The following PTPN13 variants were observed in gnomAD, a reference collection of about 807,000 sequenced individuals.
PTPN13 encodes the protein tyrosine-protein phosphatase non-receptor type 13.
In PTPN13, 191 loss-of-function variants were observed where a neutral mutation model predicts 284.0. The ratio of observed to expected loss-of-function variants is 0.67; its 90% CI spans 0.60 to 0.76. PTPN13 has a LOEUF of 0.76. Ranked by LOEUF, PTPN13 falls within the 30% of genes least tolerant of loss-of-function variation. The pLI is 0.00. For synonymous variants in PTPN13, 986 were observed against 1,022.3 expected (o/e 0.96, Z 0.68); for missense variants, 2,797 against 2,939.9 (o/e 0.95, Z 1.12).
At chr4:86,733,534 C>T (rs1192912591) in intron 12 of PTPN13, among the ~76,000 whole-genome samples, 1 of 152,054 alleles carries the variant, frequency 6.6e-6, no homozygotes, top group African/African-American at 2.4e-5. Context: ...ATATTTCCCT[C>T]AATATAGCTT....
rs1740536297 is a variant in PTPN13 at position 86,775,531 on chromosome 4, A to T, written c.5770A>T (p.Asn1924Tyr). 1.2e-6 allele frequency: 2 copies of T among 1,613,314 alleles called. No homozygotes were observed. Among genetic ancestry groups the T allele is most frequent in the South Asian group, 1.1e-5 (1 of 91,002 alleles). Residue 1924 changes from asparagine to tyrosine, a missense_variant, in exon 35 of 48, where the codon AAT becomes TAT. Physicochemically the swap from Asn to Tyr is moderately radical, Grantham distance 143. Transcript: ENST00000411767. Reference sequence around the variant, plus strand: ...AAGGTCCGTCGCAGCCATTGAGGGTAATCTCCAGCTATTAGATGTCATCCA... The same window carrying T: ...AAGGTCCGTCGCAGCCATTGAGGGTTATCTCCAGCTATTAGATGTCATCCA... ...NPRSVAAIEG[N>Y]LQLLDVIHYV...
chr4:86,715,624 C>T (rs568719429), intron 7 of PTPN13, among the ~76,000 whole-genome samples: 10 of 152,228 alleles, frequency 6.6e-5, no homozygotes, highest in Admixed American at 1.3e-4. Context: ...TGAGGACCAG[C>T]TTATAAAAGG....
intron 35 of PTPN13, among the ~76,000 whole-genome samples, chr4:86,776,387 C>T (rs888021564): frequency 6.6e-6 from 1 of 152,236 alleles, no homozygotes; most frequent in Non-Finnish European, 1.5e-5. Context: ...CAAAAGACTA[C>T]ATCATTTTCA....
At chr4:86,810,969 C>G (rs1745153023) in intron 46 of PTPN13, 77 bp from the exon 47 acceptor site, 2 of 1,387,962 alleles carry the variant, frequency 1.4e-6, no homozygotes, top group Non-Finnish European at 2.0e-6. Context: ...TTTACATAAG[C>G]CTCCCCTCTG....
intron 28 of PTPN13, among the ~76,000 whole-genome samples, chr4:86,768,835 G>A (rs891280725): frequency 6.6e-6 from 1 of 150,582 alleles, no homozygotes; most frequent in Non-Finnish European, 1.5e-5. Context: ...TCAGCTTCCT[G>A]AGTAGCTGAG....
rs184191948 is a variant in PTPN13, at chr4:86,698,382, A to G, written c.635-2859A>G. 6.6e-5 allele frequency among the ~76,000 whole-genome samples: 10 copies of G among 152,326 alleles called. No homozygotes were observed. The East Asian group carries it at 1.9e-3, about 29-fold the overall frequency. ...GTTGCATTTGAGGGTCTTCTGAAAT[A>G]TAAGTAGAAGTTTCATTACATATGA... On this transcript the variant is annotated intron_variant, in intron 6 of 47. Coordinates refer to ENST00000411767, the MANE Select transcript of PTPN13 (RefSeq NM_080683.3).
In PTPN13 at chr4:86,635,308, G is replaced by C; in HGVS notation, c.52G>C (p.Glu18Gln). ...GGAGGTTCGGGGTGGACCACTTCAG[G>C]AGGAAGAAATATGGGCTGTATTAAA... Reference protein sequence around the residue: ...ALEVRGGPLQEEEIWAVLNQS... With the variant: ...ALEVRGGPLQQEEIWAVLNQS... Residue 18 changes from glutamate to glutamine, a missense_variant, in exon 2 of 48, where the codon GAG becomes CAG. Transcript: ENST00000411767. 2 of 1,608,254 alleles carry C rather than the reference G, an allele frequency of 1.2e-6. No individual in the cohort carries two copies. The highest frequency in any genetic ancestry group is 1.1e-5 in the South Asian group (1 of 89,294).
intron 40 of PTPN13, among the ~76,000 whole-genome samples, chr4:86,788,208 A>C (rs1742209498): frequency 6.6e-6 from 1 of 152,206 alleles, no homozygotes; most frequent in African/African-American, 2.4e-5. Flanking sequence ...TAAGCAGACA[A>C]ATTTAAAATT....
At chr4:86,799,620 G>A (rs1489513380) in intron 42 of PTPN13, among the ~76,000 whole-genome samples, 4 of 151,170 alleles carry the variant, frequency 2.6e-5, no homozygotes, top group African/African-American at 7.3e-5. Context: ...ATGAACCACC[G>A]CACCCAGCCA....
Position 86,689,152 on chromosome 4 carries a change from A to C in PTPN13, c.508A>C (p.Lys170Gln). ...SNCAPSFSYVKHLVKLVLGNL... is the reference protein window; with the variant it reads ...SNCAPSFSYVQHLVKLVLGNL... ...TTGTGCACCCTCATTTTCCTACGTG[A>C]AACACTTGGTAAAACTGGTTCTGGG... The change falls in exon 5 of 48, where the codon AAA becomes CAA. Residue 170 changes from lysine to glutamine, a missense_variant. By Grantham distance (53) the Lys-to-Gln change is moderately conservative (BLOSUM62 1). Coordinates refer to ENST00000411767, the MANE Select transcript of PTPN13 (RefSeq NM_080683.3). The C allele has an allele frequency of 1.9e-6, 3 of 1,613,688 alleles. No individual in the cohort carries two copies. The highest frequency in any genetic ancestry group is 2.5e-6 in the Non-Finnish European group (3 of 1,179,638).
chr4:86,650,460 T>G (rs187343749), intron 2 of PTPN13, among the ~76,000 whole-genome samples: 5 of 152,180 alleles, frequency 3.3e-5, no homozygotes, highest in African/African-American at 1.2e-4. Context: ...TACAGACATG[T>G]GTCATGCTTG....
chr4:86,727,334 A>G (rs1475612732), intron 10 of PTPN13, among the ~76,000 whole-genome samples: 1 of 149,692 alleles, frequency 6.7e-6, no homozygotes, highest in Non-Finnish European at 1.5e-5. Flanking sequence ...TCATAAAATG[A>G]GTTAGGGAGG....
intron 37 of PTPN13, among the ~76,000 whole-genome samples, 180 bp downstream of exon 37, chr4:86,782,442 G>A (rs1177380162): frequency 1.3e-5 from 2 of 152,154 alleles, no homozygotes; most frequent in African/African-American, 4.8e-5. Flanking sequence ...ACAACATAGA[G>A]CCTCACATAG....
At position 86,629,196 on chromosome 4, in the gene PTPN13, C is replaced by T. The variant is rs1330234182; in HGVS notation, c.-5-6056C>T. On this transcript the variant is annotated intron_variant, in intron 1 of 47. Coordinates refer to ENST00000411767, the MANE Select transcript of PTPN13 (RefSeq NM_080683.3). ...TGGGAGAAAATTTTCGCAACCTACT[C>T]ATCTGACAAAGGGCTAATATCCAGA... is the stretch of plus-strand genomic sequence containing the variant. Among the ~76,000 whole-genome samples, 263 of 148,190 alleles carry T rather than the reference C, an allele frequency of 1.8e-3. 1 individual carries two copies. Among genetic ancestry groups the T allele is most frequent in the Admixed American group, 2.3e-3 (33 of 14,638 alleles).
At chr4:86,791,344 C>T (rs961834288) in intron 40 of PTPN13, among the ~76,000 whole-genome samples, 3 of 152,232 alleles carry the variant, frequency 2.0e-5, no homozygotes, top group Non-Finnish European at 4.4e-5. Context: ...ACAAAGCGGC[C>T]GGGAAGCTTG....
chr4:86,786,018 A>T (rs951476985), intron 40 of PTPN13, 82 bp downstream of exon 40: 5 of 699,272 alleles, frequency 7.2e-6, no homozygotes, highest in Non-Finnish European at 8.6e-6. Flanking sequence ...ATAATCAGAG[A>T]TTCTTTCCTG....
intron 1 of PTPN13, among the ~76,000 whole-genome samples, chr4:86,621,293 G>A (rs1391657993): frequency 6.6e-6 from 1 of 152,068 alleles, no homozygotes; most frequent in South Asian, 2.1e-4. Context: ...TAAAGATGTA[G>A]CCCTCATGTA....
In PTPN13 at chr4:86,613,633, C is replaced by CAA. The variant is rs544971012; in HGVS notation, c.-6+18861_-6+18862dup. ...TGGGCGACAAGGTGAGACTCCGTCT[C>CAA]AAAAAAAAAAAAAAAAAAGAGTTTG... On this transcript the variant is annotated intron_variant, in intron 1 of 47. Coordinates refer to ENST00000411767, the MANE Select transcript of PTPN13 (RefSeq NM_080683.3). 3.3e-3 allele frequency among the ~76,000 whole-genome samples: 204 copies of CAA among 61,470 alleles called. 2 individuals are homozygous for CAA. Among genetic ancestry groups the CAA allele is most frequent in the African/African-American group, 0.011 (184 of 17,324 alleles). The allele number at this position is 61,470 out of a possible 152,430, so 40.3% of individuals were successfully genotyped here. A position where few individuals can be genotyped will look rare whatever the true frequency, so the allele number is the denominator to read the frequency against.
In PTPN13 at chr4:86,732,685, A is replaced by G. The variant is rs1296101121; in HGVS notation, c.1777A>G (p.Ile593Val). 2 of 1,613,652 alleles carry G rather than the reference A, an allele frequency of 1.2e-6. No homozygotes were observed. Among genetic ancestry groups the G allele is most frequent in the African/African-American group, 1.3e-5 (1 of 75,016 alleles). The change falls in exon 12 of 48, where the codon ATA becomes GTA. Residue 593 changes from isoleucine to valine, a missense_variant. Ile to Val is a conservative substitution (Grantham distance 29). Coordinates refer to ENST00000411767, the MANE Select transcript of PTPN13 (RefSeq NM_080683.3). Reference protein sequence around the residue: ...RLELTCDTKTICKDVFDMVVA... With the variant: ...RLELTCDTKTVCKDVFDMVVA... ...GGAACTGACCTGTGATACCAAAACT[A>G]TATGTAAAGATGTGTTTGATATGGT...
Sources: gnomAD v4.1 joint callset for allele counts (sites outside exome capture counted in the v4.1 genomes callset) on GRCh38, gnomAD v4.1.1 for gene constraint, MANE v1.5 for transcripts, NCBI Gene and HGNC (gene_info 2026-07-23, HGNC 2026-07-21) for gene names.